Variants in PCDH15 observed in about 807,000 individuals in gnomAD.
The protein encoded by PCDH15 is protocadherin related 15, also known as protocadherin-15.
A neutral mutation model predicts 178.5 loss-of-function variants in PCDH15; 129 were observed. The observed-to-expected ratio is 0.72, with a 90% CI of 0.63 to 0.84. The LOEUF is 0.84. PCDH15 is among the 40% of genes least tolerant of loss of function. The pLI is 0.00. For missense variants in PCDH15, 2,230 were observed against 2,099.9 expected, an observed-to-expected ratio of 1.06 and a Z score of -1.21; for synonymous variants, 800 against 732.0, an observed-to-expected ratio of 1.09 and a Z score of -1.50.
chr10:54,949,934 C>T (rs919820359), intron 2 of PCDH15, among the ~76,000 whole-genome samples: 1 of 151,988 alleles, frequency 6.6e-6, no homozygotes, highest in Non-Finnish European at 1.5e-5. Context: ...TTGGTCAAAG[C>T]CATTCAACAA....
At chr10:55,026,234 A>G (rs1260579892) in intron 2 of PCDH15, among the ~76,000 whole-genome samples, 3 of 150,852 alleles carry the variant, frequency 2.0e-5, no homozygotes, top group Non-Finnish European at 3.0e-5. Flanking sequence ...TTATGGAGGC[A>G]ACTGTTAACA....
chr10:54,857,842 CAAAT>C (rs912285601), intron 3 of PCDH15, among the ~76,000 whole-genome samples: 1 of 152,050 alleles, frequency 6.6e-6, no homozygotes. Context: ...TTTTAATTCA[CAAAT>C]AAAAATTATA....
chr10:55,514,836 G>C (rs1840971566), intron 2 of PCDH15, among the ~76,000 whole-genome samples: 2 of 151,980 alleles, frequency 1.3e-5, no homozygotes, highest in South Asian at 4.1e-4. Context: ...AAATGGAGTT[G>C]CCATTTCTAT....
chr10:54,858,830 T>C (rs1188969472), intron 3 of PCDH15, among the ~76,000 whole-genome samples: 2 of 152,116 alleles, frequency 1.3e-5, no homozygotes, highest in Middle Eastern at 3.2e-3. Context: ...CATTATTCCA[T>C]GTATTTTAAT....
intron 2 of PCDH15, among the ~76,000 whole-genome samples, chr10:54,907,984 G>A (rs909485466): frequency 6.6e-6 from 1 of 152,160 alleles, no homozygotes; most frequent in East Asian, 1.9e-4. Context: ...TATTCTGCTG[G>A]GAGAAACCCA....
intron 2 of PCDH15, among the ~76,000 whole-genome samples, chr10:55,104,703 T>TG (rs1842637645): frequency 6.6e-6 from 1 of 152,178 alleles, no homozygotes; most frequent in African/African-American, 2.4e-5. Context: ...GTACCTCAAT[T>TG]TACAGTACTA....
At chr10:54,199,550 A>C (rs1484719578) in intron 10 of PCDH15, among the ~76,000 whole-genome samples, 3 of 139,350 alleles carry the variant, frequency 2.2e-5, no homozygotes, top group East Asian at 4.6e-4. Flanking sequence ...TAAAATGTTG[A>C]ATTTAAACAA....
At chr10:53,953,586 C>T (rs1286717492) in intron 23 of PCDH15, among the ~76,000 whole-genome samples, 1 of 151,754 alleles carries the variant, frequency 6.6e-6, no homozygotes, top group East Asian at 1.9e-4. Flanking sequence ...AAATCTTTTC[C>T]CAATACATAT....
At chr10:55,154,864 C>T (rs2132105642) in intron 2 of PCDH15, among the ~76,000 whole-genome samples, 1 of 152,196 alleles carries the variant, frequency 6.6e-6, no homozygotes, top group East Asian at 1.9e-4. Flanking sequence ...GTTGCTTTAC[C>T]TCCTCTACCA....
intron 3 of PCDH15, among the ~76,000 whole-genome samples, chr10:54,403,115 G>A (rs1952150190): frequency 6.6e-6 from 1 of 151,996 alleles, no homozygotes; most frequent in Non-Finnish European, 1.5e-5. Context: ...CCTTATTGGT[G>A]ATAAGTAGAA....
intron 25 of PCDH15, among the ~76,000 whole-genome samples, chr10:53,930,050 G>A (rs1034403371): frequency 6.6e-6 from 1 of 152,044 alleles, no homozygotes; most frequent in African/African-American, 2.4e-5. Context: ...GCTTCTTTGG[G>A]ACCAAGTAAC....
chr10:54,279,823 A>G (rs1444295580), intron 8 of PCDH15, among the ~76,000 whole-genome samples: 1 of 151,726 alleles, frequency 6.6e-6, no homozygotes, highest in Non-Finnish European at 1.5e-5. Flanking sequence ...TATCTAAAAC[A>G]CTTATCAGGT....
At chr10:54,067,445 A>G (rs115191351) in intron 17 of PCDH15, among the ~76,000 whole-genome samples, 246 of 152,320 alleles carry the variant, frequency 1.6e-3, no homozygotes, top group African/African-American at 5.7e-3. Context: ...TCTTATAAGC[A>G]TACAGCTTAC....
At chr10:54,292,696 A>T (rs898395983) in intron 8 of PCDH15, among the ~76,000 whole-genome samples, 1 of 152,230 alleles carries the variant, frequency 6.6e-6, no homozygotes, top group Non-Finnish European at 1.5e-5. Flanking sequence ...GAGCCAAATC[A>T]TGAGTGAACT....
At chr10:53,872,995 A>G (rs919493591) in intron 26 of PCDH15, among the ~76,000 whole-genome samples, 4 of 152,194 alleles carry the variant, frequency 2.6e-5, no homozygotes, top group Non-Finnish European at 4.4e-5. Context: ...TTAATGCTTC[A>G]TCAGCTCTAT....
chr10:54,653,977 T>A (rs1023293131), intron 2 of PCDH15, among the ~76,000 whole-genome samples: 1 of 152,216 alleles, frequency 6.6e-6, no homozygotes, highest in Non-Finnish European at 1.5e-5. Flanking sequence ...AAACTTGTCA[T>A]TTTATGGTGA....
At chr10:54,742,972 C>A (rs934960821) in intron 1 of PCDH15, among the ~76,000 whole-genome samples, 1 of 152,002 alleles carries the variant, frequency 6.6e-6, no homozygotes, top group South Asian at 2.1e-4. Flanking sequence ...GTAAAAGTTA[C>A]AAACTGGTCT....
chr10:54,833,811 C>A (rs1250426659), intron 3 of PCDH15, among the ~76,000 whole-genome samples: 1 of 152,094 alleles, frequency 6.6e-6, no homozygotes, highest in East Asian at 1.9e-4. Context: ...AGAGTGAATG[C>A]TAGTCTTAGT....
chr10:55,510,659 A>C (rs1476577931), intron 2 of PCDH15, among the ~76,000 whole-genome samples: 2 of 151,856 alleles, frequency 1.3e-5, no homozygotes. Context: ...AAACTGTTTA[A>C]AATTCAAAAG....
Sources: allele counts gnomAD v4.1 joint callset (sites outside exome capture counted in the v4.1 genomes callset), GRCh38; gene constraint gnomAD v4.1.1; transcripts MANE v1.5; gene names NCBI Gene and HGNC (gene_info 2026-07-23, HGNC 2026-07-21).